SAMMSON: variants seen among roughly 807,000 people sequenced by gnomAD.
SAMMSON encodes the protein survival associated mitochondrial melanoma specific oncogenic non-coding RNA, also known as long intergenic non-protein coding RNA 1212.
chr3:70,223,440 G>A (rs1701477447), intron 4 of SAMMSON, among the ~76,000 whole-genome samples: 1 of 152,094 alleles, frequency 6.6e-6, no homozygotes, highest in African/African-American at 2.4e-5. Flanking sequence ...ATATGTTTAA[G>A]AAAATGAGAT....
At chr3:70,257,217 T>C (rs1447676479) in intron 6 of SAMMSON, among the ~76,000 whole-genome samples, 2 of 152,226 alleles carry the variant, frequency 1.3e-5, no homozygotes, top group Non-Finnish European at 2.9e-5. Flanking sequence ...ACAGGTTTCT[T>C]TGGCAAACCC....
chr3:70,357,714 T>C (rs1013579310), intron 8 of SAMMSON, among the ~76,000 whole-genome samples: 3 of 151,810 alleles, frequency 2.0e-5, no homozygotes, highest in Non-Finnish European at 4.4e-5. Context: ...TAAAATAAAA[T>C]TTTAAAAAAA....
chr3:70,151,790 G>T (rs4328775), intron 4 of SAMMSON, among the ~76,000 whole-genome samples: 59,405 of 151,214 alleles, frequency 0.39, 12,188 homozygotes, highest in East Asian at 0.72. Flanking sequence ...TTTGCTTTCT[G>T]CTTTTATTGT....
At chr3:70,120,484 A>G (rs556747685) in intron 4 of SAMMSON, 1 of 152,346 alleles carries the variant, frequency 6.6e-6, no homozygotes, top group Non-Finnish European at 1.5e-5. Flanking sequence ...TCTTCTCGCC[A>G]TACCATGATG....
intron 4 of SAMMSON, among the ~76,000 whole-genome samples, chr3:70,232,440 T>C (rs1237227790): frequency 6.6e-6 from 1 of 151,726 alleles, no homozygotes; most frequent in African/African-American, 2.4e-5. Context: ...TCTCGCTCTG[T>C]CGCCAGGCTG....
At chr3:70,232,915 G>A (rs1311740593) in intron 4 of SAMMSON, among the ~76,000 whole-genome samples, 6 of 152,208 alleles carry the variant, frequency 3.9e-5, no homozygotes, top group African/African-American at 7.2e-5. Context: ...TATGCTAGGC[G>A]TGGGGGTTCA....
intron 6 of SAMMSON, among the ~76,000 whole-genome samples, chr3:70,280,099 A>C (rs1702065856): frequency 6.6e-6 from 1 of 152,110 alleles, no homozygotes; most frequent in Non-Finnish European, 1.5e-5. Context: ...TCTGGCAGAT[A>C]ATCTATTTTT....
At chr3:70,290,566 C>A (rs1196609393) in intron 6 of SAMMSON, among the ~76,000 whole-genome samples, 1 of 152,242 alleles carries the variant, frequency 6.6e-6, no homozygotes, top group Non-Finnish European at 1.5e-5. Context: ...GGCAGGCCTC[C>A]TTGAGCTGTG....
chr3:70,217,830 G>T (rs1375548643), intron 4 of SAMMSON, among the ~76,000 whole-genome samples: 3 of 152,098 alleles, frequency 2.0e-5, no homozygotes, highest in African/African-American at 7.2e-5. Context: ...AGTTATGAGG[G>T]CTTGGGGGTG....
intron 3 of SAMMSON, among the ~76,000 whole-genome samples, chr3:70,055,146 C>A (rs1207849146): frequency 1.3e-5 from 2 of 151,762 alleles, no homozygotes; most frequent in Non-Finnish European, 2.9e-5. Context: ...TCAAAATGAT[C>A]CAAGGGTTGG....
intron 4 of SAMMSON, among the ~76,000 whole-genome samples, chr3:70,240,801 C>A (rs1701660330): frequency 6.6e-6 from 1 of 152,084 alleles, no homozygotes; most frequent in Admixed American, 6.6e-5. Flanking sequence ...CGGGGCACAT[C>A]ACTGTAATTT....
At chr3:70,013,975 C>T (rs1466905751) in intron 3 of SAMMSON, 4 of 152,156 alleles carry the variant, frequency 2.6e-5, no homozygotes, top group Non-Finnish European at 5.9e-5. Flanking sequence ...TGCTTGGTTC[C>T]TCTTGTTAGA....
intron 7 of SAMMSON, among the ~76,000 whole-genome samples, chr3:70,324,198 T>A (rs199629037): frequency 2.3e-4 from 9 of 38,636 alleles, no homozygotes; most frequent in African/African-American, 7.5e-4. Context: ...TATCTATCTA[T>A]CATCTATCTA....
At chr3:70,118,833 A>G (rs1277045978) in intron 4 of SAMMSON, among the ~76,000 whole-genome samples, 2 of 152,176 alleles carry the variant, frequency 1.3e-5, no homozygotes, top group African/African-American at 4.8e-5. Flanking sequence ...GCCCAAAGAC[A>G]TACTACTCTT....
intron 4 of SAMMSON, among the ~76,000 whole-genome samples, chr3:70,095,665 A>G (rs1173172586): frequency 6.6e-6 from 1 of 152,180 alleles, no homozygotes; most frequent in African/African-American, 2.4e-5. Flanking sequence ...TCACCTATAA[A>G]ATATAGACAG....
chr3:70,201,010 C>A (rs77929944), intron 4 of SAMMSON, among the ~76,000 whole-genome samples: 2,642 of 151,918 alleles, frequency 0.017, 56 homozygotes, highest in African/African-American at 0.047. Context: ...ATATTTAGAA[C>A]CTTTGTTTTG....
At chr3:70,294,020 G>A (rs927080914) in intron 7 of SAMMSON, among the ~76,000 whole-genome samples, 2 of 152,054 alleles carry the variant, frequency 1.3e-5, no homozygotes, top group African/African-American at 4.8e-5. Context: ...ACAGCTGGGT[G>A]TATTTTAATA....
intron 3 of SAMMSON, among the ~76,000 whole-genome samples, chr3:70,041,285 G>T (rs910573298): frequency 2.0e-5 from 3 of 152,052 alleles, no homozygotes; most frequent in Admixed American, 6.6e-5. Context: ...GTGGTTGCTG[G>T]GAAGTAATAT....
At chr3:70,375,099 GA>G (rs1317474686) in intron 9 of SAMMSON, among the ~76,000 whole-genome samples, 1 of 152,144 alleles carries the variant, frequency 6.6e-6, no homozygotes. Context: ...GAAGAATAGT[GA>G]AAAGTACATC....
Sources: gnomAD v4.1 joint callset for allele counts (sites outside exome capture counted in the v4.1 genomes callset) on GRCh38, gnomAD v4.1.1 for gene constraint, MANE v1.5 for transcripts, NCBI Gene and HGNC (gene_info 2026-07-23, HGNC 2026-07-21) for gene names.